ARL5A: variants seen among roughly 807,000 people sequenced by gnomAD.
ARL5A encodes ARF like GTPase 5A, also known as ADP-ribosylation factor-like protein 5A.
Under a neutral mutation model 25.9 loss-of-function variants are expected in ARL5A, and 18 were observed. That is an observed-to-expected ratio of 0.69 (90% CI 0.48 to 1.03). The LOEUF (loss-of-function observed/expected upper bound fraction) is 1.03, where lower values mean the gene tolerates loss of function less well. ARL5A is among the 50% of genes least tolerant of loss of function. The probability of loss-of-function intolerance (pLI) is 0.00; values close to 1 mark genes in which losing one functional copy is unlikely to be tolerated. For missense variants in ARL5A, 170 were observed against 211.9 expected, an observed-to-expected ratio of 0.80 and a Z score of 1.23; for synonymous variants, 61 against 67.5, an observed-to-expected ratio of 0.90 and a Z score of 0.47.
intron 1 of ARL5A, among the ~76,000 whole-genome samples, chr2:151,817,149 C>T (rs1054703846): frequency 4.6e-5 from 7 of 152,228 alleles, no homozygotes; most frequent in Non-Finnish European, 8.8e-5. Context: ...CATGGTATCA[C>T]TAAATGTCGG....
intron 4 of ARL5A, among the ~76,000 whole-genome samples, chr2:151,809,576 G>A (rs987652061): frequency 1.6e-4 from 24 of 152,130 alleles, no homozygotes; most frequent in African/African-American, 5.3e-4. Flanking sequence ...AATTAAGGCT[G>A]TTCATCAACG....
In ARL5A at chr2:151,800,346, C is replaced by CT. The variant is rs1367986144; in HGVS notation, c.*2929dup. On this transcript the variant is annotated 3_prime_UTR_variant, in exon 6 of 6. Coordinates refer to ENST00000295087, the MANE Select transcript of ARL5A (RefSeq NM_012097.4). ...ACAAAAAGGAAAACAATGTCAGGGA[C>CT]TTCATGCCTTTGCTCAAGCTCTGTG... 1 of 152,174 alleles carries CT rather than the reference C, an allele frequency of 6.6e-6. No individual in the cohort carries two copies. The highest frequency in any genetic ancestry group is 1.5e-5 in the Non-Finnish European group (1 of 68,028). 9.4% of individuals were successfully genotyped at this position (152,174 alleles called of 1,614,324 possible).
chr2:151,804,370 A>G (rs1451305885), intron 5 of ARL5A, among the ~76,000 whole-genome samples: 4 of 152,220 alleles, frequency 2.6e-5, no homozygotes, highest in East Asian at 1.9e-4. Context: ...AAGAACTGTT[A>G]TAAGTATTAA....
chr2:151,813,048 C>G (rs1033611552), intron 3 of ARL5A, among the ~76,000 whole-genome samples: 1 of 152,108 alleles, frequency 6.6e-6, no homozygotes, highest in Admixed American at 6.6e-5. Context: ...CAGGACTGAG[C>G]TCCACCCCAG....
chr2:151,818,628 G>C (rs2099831848), intron 1 of ARL5A, among the ~76,000 whole-genome samples: 1 of 152,228 alleles, frequency 6.6e-6, no homozygotes, highest in Admixed American at 6.5e-5. Context: ...AGGTAATCGA[G>C]TCCTTGGGAC....
intron 1 of ARL5A, 32 bp downstream of exon 1, chr2:151,828,099 C>T: frequency 1.2e-6 from 2 of 1,604,324 alleles, no homozygotes; most frequent in African/African-American, 1.4e-5. Context: ...ACCCTCTCCC[C>T]AACCCGTACG....
chr2:151,814,347 T>C (rs745324157), intron 2 of ARL5A, 31 bp from the exon 3 acceptor site: 2 of 1,446,414 alleles, frequency 1.4e-6, no homozygotes, highest in Admixed American at 2.6e-5. Flanking sequence ...ACATTACAAT[T>C]AGCAAGGAAG....
intron 3 of ARL5A, among the ~76,000 whole-genome samples, chr2:151,813,136 A>G (rs1578376075): frequency 2.0e-5 from 3 of 152,342 alleles, no homozygotes; most frequent in Admixed American, 6.5e-5. Context: ...TTACTTTATG[A>G]TAACATTTAT....
intron 2 of ARL5A, 128 bp from the exon 3 acceptor site, chr2:151,814,444 G>A: frequency 2.8e-6 from 2 of 726,696 alleles, no homozygotes; most frequent in East Asian, 3.0e-5. Context: ...TTTCCCACTA[G>A]TTTACAACAT....
chr2:151,818,301 A>G (rs1489960212), intron 1 of ARL5A, among the ~76,000 whole-genome samples: 1 of 151,920 alleles, frequency 6.6e-6, no homozygotes, highest in Non-Finnish European at 1.5e-5. Context: ...TTTTTGAGAC[A>G]GGGTCTCACT....
chr2:151,815,047 A>T (rs975307942), intron 2 of ARL5A, 92 bp downstream of exon 2: 1 of 937,320 alleles, frequency 1.1e-6, no homozygotes, highest in African/African-American at 1.7e-5. Context: ...CTTAGGTTTC[A>T]TGTAATTTCT....
In ARL5A at chr2:151,815,664, A is replaced by T. The variant is rs369605920; in HGVS notation, c.47-465T>A. ...CAGTTTTTTAAATGGGTAATCGTAA[A>T]TTATGAGTACCTTAAAACCACAGGG... On this transcript the variant is annotated intron_variant, in intron 1 of 5. Transcript: ENST00000295087. Among the ~76,000 whole-genome samples, 100 of 152,322 alleles carry T rather than the reference A, an allele frequency of 6.6e-4. 1 individual carries two copies. In the South Asian group the frequency reaches 0.02, roughly 31 times the overall value.
rs775749196 is a variant in ARL5A, at chr2:151,803,227, A to C, written c.*49T>G. ...ATTAATTTTTGCAGCTTTCAGGTAA[A>C]GTCCAGCACTTCATTTATACAAAAT... On this transcript the variant is annotated 3_prime_UTR_variant, in exon 6 of 6. Coordinates refer to ENST00000295087, the MANE Select transcript of ARL5A (RefSeq NM_012097.4). 26 of 1,387,054 alleles carry C rather than the reference A, an allele frequency of 1.9e-5. No individual in the cohort carries two copies. In the African/African-American group the frequency reaches 3.6e-4, roughly 19 times the overall value. The allele number at this position is 1,387,054 out of a possible 1,614,324, so 85.9% of individuals were successfully genotyped here.
chr2:151,818,415 A>T (rs903198381), intron 1 of ARL5A, among the ~76,000 whole-genome samples: 2 of 152,166 alleles, frequency 1.3e-5, no homozygotes, highest in Non-Finnish European at 2.9e-5. Flanking sequence ...AGTAGCTGAG[A>T]CCACAGGTGT....
rs890564447 is a variant in ARL5A, at chr2:151,800,272, A to T, written c.*3004T>A. On this transcript the variant is annotated 3_prime_UTR_variant, in exon 6 of 6. Transcript: ENST00000295087. ...AAGAAATGTAAAGTGCCTATACAAG[A>T]GGGAACAATAGAGTCCTATTTCTAG... 2.6e-5 allele frequency: 4 copies of T among 152,220 alleles called. No homozygotes were observed. The highest frequency in any genetic ancestry group is 9.6e-5 in the African/African-American group (4 of 41,454). The allele number at this position is 152,220 out of a possible 1,614,324, so 9.4% of individuals were successfully genotyped here.
At position 151,820,556 on chromosome 2, in the gene ARL5A, A is replaced by C. The variant is rs1386781146; in HGVS notation, c.47-5357T>G. Among the ~76,000 whole-genome samples the C allele has an allele frequency of 6.2e-5, 9 of 144,446 alleles. No homozygotes were observed. The East Asian group carries it at 1.8e-3, about 28-fold the overall frequency. 94.8% of individuals were successfully genotyped at this position (144,446 alleles called of 152,430 possible). A position where few individuals can be genotyped will look rare whatever the true frequency, so the allele number is the denominator to read the frequency against. ...ACACTTGTGGTCCCAGCTACTTGGGAGGCTGAGGCATGAGAATCAGTTGAA... is the reference window on the plus strand; with the variant it reads ...ACACTTGTGGTCCCAGCTACTTGGGCGGCTGAGGCATGAGAATCAGTTGAA... On this transcript the variant is annotated intron_variant, in intron 1 of 5. Coordinates refer to ENST00000295087, the MANE Select transcript of ARL5A (RefSeq NM_012097.4).
chr2:151,815,163 C>T lies in ARL5A; in HGVS notation c.83G>A (p.Gly28Glu). ...KVIIVGLDNA[G>E]KTTILYQFSM... ...CAATTGGTAAAGAATGGTAGTTTTCCCTGCATTATCCAGCCCAACAATGAT... is the reference window on the plus strand; with the variant it reads ...CAATTGGTAAAGAATGGTAGTTTTCTCTGCATTATCCAGCCCAACAATGAT... Residue 28 changes from glycine (G) to glutamate (E), a missense_variant, in exon 2 of 6, where the codon GGG (glycine) becomes GAG (glutamate). Gly to Glu is a moderately conservative substitution (Grantham distance 98, BLOSUM62 -2). Transcript: ENST00000295087. 6.2e-7 allele frequency: 1 copy of T among 1,606,658 alleles called. No homozygotes were observed. Among genetic ancestry groups the T allele is most frequent in the Non-Finnish European group, 8.5e-7 (1 of 1,176,688 alleles).
In ARL5A at chr2:151,799,458, T is replaced by C. The variant is rs1230231837; in HGVS notation, c.*3818A>G. On this transcript the variant is annotated 3_prime_UTR_variant, in exon 6 of 6. Coordinates refer to ENST00000295087, the MANE Select transcript of ARL5A (RefSeq NM_012097.4). ...CTTTTTCCAAATCAAACTGAACTGGTATTCTGTGAAACATAACCATTCTTG... is the reference window on the plus strand; with the variant it reads ...CTTTTTCCAAATCAAACTGAACTGGCATTCTGTGAAACATAACCATTCTTG... 1 of 152,178 alleles carries C rather than the reference T, an allele frequency of 6.6e-6. No homozygotes were observed. The highest frequency in any genetic ancestry group is 1.5e-5 in the Non-Finnish European group (1 of 68,026). The allele number at this position is 152,178 out of a possible 1,614,324, so 9.4% of individuals were successfully genotyped here.
At position 151,806,991 on chromosome 2, in the gene ARL5A, C is replaced by T. The variant is rs771741783; in HGVS notation, c.340-19G>A. ...TTAGGTCCTATTAAAGCAAATAAAA[C>T]TGTAAAGGCCAATACATTTTCCACA... On this transcript the variant is annotated intron_variant, in intron 4 of 5. Transcript: ENST00000295087. The T allele has an allele frequency of 1.3e-6, 2 of 1,580,194 alleles. No homozygotes were observed. Among genetic ancestry groups the T allele is most frequent in the Non-Finnish European group, 1.7e-6 (2 of 1,167,006 alleles).
Sources: allele counts gnomAD v4.1 joint callset (sites outside exome capture counted in the v4.1 genomes callset), GRCh38; gene constraint gnomAD v4.1.1; transcripts MANE v1.5; gene names NCBI Gene and HGNC (gene_info 2026-07-23, HGNC 2026-07-21).